The following EDAR variants were observed in gnomAD, a reference collection of about 807,000 sequenced individuals.
EDAR encodes the protein tumor necrosis factor receptor superfamily member EDAR.
Under a neutral mutation model 51.3 loss-of-function variants are expected in EDAR, and 38 were observed. The observed-to-expected ratio is 0.74, with a 90% CI of 0.57 to 0.97. The LOEUF is 0.97. Among genes scored for constraint, EDAR ranks in the 50% least tolerant of loss-of-function variants. The pLI is 0.00. For synonymous variants in EDAR, 227 were observed against 242.1 expected (o/e 0.94, Z 0.58); for missense variants, 528 against 595.0 (o/e 0.89, Z 1.17).
intron 1 of EDAR, among the ~76,000 whole-genome samples, chr2:108,948,459 G>T (rs187114908): frequency 6.6e-6 from 1 of 152,246 alleles, no homozygotes; most frequent in African/African-American, 2.4e-5. Flanking sequence ...GTATTAGTCC[G>T]TTCTCACACT....
intron 1 of EDAR, among the ~76,000 whole-genome samples, chr2:108,984,865 G>A (rs1385538065): frequency 6.6e-6 from 1 of 152,174 alleles, no homozygotes; most frequent in Non-Finnish European, 1.5e-5. Flanking sequence ...TTTGCTGAAT[G>A]AATGAATGTG....
intron 1 of EDAR, among the ~76,000 whole-genome samples, chr2:108,967,362 C>A (rs1385616450): frequency 1.3e-5 from 2 of 152,142 alleles, no homozygotes; most frequent in African/African-American, 4.8e-5. Flanking sequence ...AGTTCATGTT[C>A]TCCCTGAGGC....
At chr2:108,909,016 G>A (rs1471615389) in intron 9 of EDAR, among the ~76,000 whole-genome samples, 1 of 152,158 alleles carries the variant, frequency 6.6e-6, no homozygotes, top group African/African-American at 2.4e-5. Flanking sequence ...GGCACCCCAG[G>A]TCCTGTCTCT....
chr2:108,951,541 A>T (rs1455531402), intron 1 of EDAR, among the ~76,000 whole-genome samples: 1 of 152,192 alleles, frequency 6.6e-6, no homozygotes, highest in Non-Finnish European at 1.5e-5. Context: ...ATGTGTGTTT[A>T]AATTTATTGT....
chr2:108,943,982 GC>G (rs1327790128), intron 1 of EDAR, among the ~76,000 whole-genome samples: 2 of 152,248 alleles, frequency 1.3e-5, no homozygotes, highest in African/African-American at 2.4e-5. Flanking sequence ...TGAGGTGAAT[GC>G]ATGTGGAAGT....
At chr2:108,987,760 G>A (rs941856061) in intron 1 of EDAR, among the ~76,000 whole-genome samples, 2 of 152,322 alleles carry the variant, frequency 1.3e-5, no homozygotes, top group African/African-American at 4.8e-5. Context: ...CAGCCGTGAA[G>A]GGTACACGTG....
chr2:108,976,312 C>T (rs935007205), intron 1 of EDAR, among the ~76,000 whole-genome samples: 5 of 152,126 alleles, frequency 3.3e-5, no homozygotes, highest in African/African-American at 9.7e-5. Flanking sequence ...ATGTTTTTCT[C>T]GTGACAGACT....
At chr2:108,964,066 TTTCTCATGTTAATGAA>T (rs1162715430) in intron 1 of EDAR, among the ~76,000 whole-genome samples, 1 of 152,094 alleles carries the variant, frequency 6.6e-6, no homozygotes, top group Non-Finnish European at 1.5e-5. Flanking sequence ...AAGCACTGAG[TTTCTCATGTTAATGAA>T]TTCTACTTAA....
intron 1 of EDAR, among the ~76,000 whole-genome samples, chr2:108,964,753 ACAGCAGG>A (rs1200720693): frequency 6.6e-6 from 1 of 152,190 alleles, no homozygotes; most frequent in Non-Finnish European, 1.5e-5. Context: ...TCACTAAGTG[ACAGCAGG>A]CAGCAGCCCT....
Position 108,910,831 on chromosome 2 carries a change from C to G in EDAR, c.675G>C (p.Pro225=). The part of the protein sequence containing the change: ...PSAPACCTSH[P]GKSVEAQVSK... ...TCACTTGGGCCTCCACGCTCTTCCC[C>G]GGGTGGCTGGTGCAACAGGCTGGGG... is the stretch of plus-strand genomic sequence containing the variant. The change falls in exon 8 of 12, where the codon CCG becomes CCC. Residue 225 remains proline (P), a synonymous_variant. Transcript: ENST00000258443. 6.2e-7 allele frequency: 1 copy of G among 1,614,024 alleles called. No homozygotes were observed. The highest frequency in any genetic ancestry group is 8.5e-7 in the Non-Finnish European group (1 of 1,179,994).
intron 1 of EDAR, among the ~76,000 whole-genome samples, chr2:108,976,989 C>T (rs1230240088): frequency 6.6e-6 from 1 of 152,122 alleles, no homozygotes; most frequent in Non-Finnish European, 1.5e-5. Context: ...CTGACAAATG[C>T]TAAGATGAAA....
chr2:108,971,589 G>T (rs1321632378), intron 1 of EDAR, among the ~76,000 whole-genome samples: 3 of 152,170 alleles, frequency 2.0e-5, no homozygotes, highest in African/African-American at 7.2e-5. Context: ...ATGAAGGTGT[G>T]AGGGTGTGAG....
rs1236303640 is a variant in EDAR, at chr2:108,989,219, T to A, written c.-278A>T. 6.5e-6 allele frequency: 1 copy of A among 152,832 alleles called. No individual in the cohort carries two copies. Among genetic ancestry groups the A allele is most frequent in the African/African-American group, 2.4e-5 (1 of 41,466 alleles). 9.5% of individuals were successfully genotyped at this position (152,832 alleles called of 1,614,324 possible). A position where few individuals can be genotyped will look rare whatever the true frequency, so the allele number is the denominator to read the frequency against. ...ACCGCTCCCTGCCCTGTCTGCAAGT[T>A]TGGAAACTCAGTCCTTGCCGAGGGG... On this transcript the variant is annotated 5_prime_UTR_variant, in exon 1 of 12. Transcript: ENST00000258443.
chr2:108,956,999 A>G (rs1010782570), intron 1 of EDAR, among the ~76,000 whole-genome samples: 6 of 152,248 alleles, frequency 3.9e-5, no homozygotes, highest in Non-Finnish European at 8.8e-5. Context: ...CACGTTGGTC[A>G]GACTGGTGTC....
intron 1 of EDAR, among the ~76,000 whole-genome samples, chr2:108,949,601 AATGTG>A (rs1697784230): frequency 6.6e-6 from 1 of 152,158 alleles, no homozygotes; most frequent in Non-Finnish European, 1.5e-5. Context: ...TTTTCCTAAA[AATGTG>A]ATGAGATTTC....
chr2:108,958,666 C>T (rs1697973350), intron 1 of EDAR, among the ~76,000 whole-genome samples: 1 of 152,210 alleles, frequency 6.6e-6, no homozygotes, highest in African/African-American at 2.4e-5. Context: ...AGTTAAGAAG[C>T]CCAAGTCCAG....
chr2:108,965,844 T>A (rs1036316170), intron 1 of EDAR, among the ~76,000 whole-genome samples: 1 of 152,054 alleles, frequency 6.6e-6, no homozygotes, highest in Non-Finnish European at 1.5e-5. Flanking sequence ...TCCTGCATCA[T>A]GTACTCTCCC....
At chr2:108,959,360 C>T (rs1268569334) in intron 1 of EDAR, among the ~76,000 whole-genome samples, 1 of 152,188 alleles carries the variant, frequency 6.6e-6, no homozygotes, top group East Asian at 1.9e-4. Context: ...GCAAGACATG[C>T]AGCAGAGAAA....
At chr2:108,904,746 A>G (rs1194762692) in intron 11 of EDAR, among the ~76,000 whole-genome samples, 1 of 152,200 alleles carries the variant, frequency 6.6e-6, no homozygotes, top group Non-Finnish European at 1.5e-5. Flanking sequence ...CACTTTTATA[A>G]CACTCTTGAA....
Sources: gnomAD v4.1 joint callset for allele counts (sites outside exome capture counted in the v4.1 genomes callset) on GRCh38, gnomAD v4.1.1 for gene constraint, MANE v1.5 for transcripts, NCBI Gene and HGNC (gene_info 2026-07-23, HGNC 2026-07-21) for gene names.